Variants in GRM8 observed in about 807,000 individuals in gnomAD.
The protein encoded by GRM8 is glutamate metabotropic receptor 8.
In GRM8, 47 loss-of-function variants were observed where a neutral mutation model predicts 87.2. The observed-to-expected ratio is 0.54, with a 90% confidence interval of 0.43 to 0.69. The LOEUF is 0.69. Ranked by LOEUF, GRM8 falls within the 30% of genes least tolerant of loss-of-function variation. The pLI, the probability that GRM8 is intolerant of heterozygous loss-of-function variation, is 0.00. For synonymous variants in GRM8, 396 were observed against 404.5 expected (o/e 0.98, Z 0.25); for missense variants, 1,019 against 1,139.2 (o/e 0.89, Z 1.52).
intron 2 of GRM8, among the ~76,000 whole-genome samples, chr7:127,230,473 C>T (rs972802061): frequency 2.0e-5 from 3 of 152,164 alleles, no homozygotes; most frequent in African/African-American, 7.2e-5. Flanking sequence ...AGTTTGCACA[C>T]TCCTATCCAT....
intron 7 of GRM8, among the ~76,000 whole-genome samples, chr7:126,635,005 T>C (rs528636892): frequency 1.4e-4 from 22 of 152,170 alleles, no homozygotes; most frequent in Non-Finnish European, 2.9e-4. Context: ...ACACCATCCC[T>C]GTGCGTGTTC....
intron 2 of GRM8, among the ~76,000 whole-genome samples, chr7:127,145,113 G>T (rs1260007507): frequency 6.6e-6 from 1 of 151,988 alleles, no homozygotes; most frequent in Non-Finnish European, 1.5e-5. Context: ...TTTAATTAAG[G>T]ATAACAAATA....
At chr7:126,902,297 A>C (rs1385673322) in intron 6 of GRM8, among the ~76,000 whole-genome samples, 1 of 152,214 alleles carries the variant, frequency 6.6e-6, no homozygotes. Flanking sequence ...TGTTTCCCAG[A>C]TACCCCAGTA....
chr7:126,477,577 AAG>A (rs1250709744), intron 9 of GRM8, among the ~76,000 whole-genome samples: 11 of 77,718 alleles, frequency 1.4e-4, no homozygotes, highest in East Asian at 3.4e-4. Context: ...GAAAGAAAGA[AAG>A]AGAGAAAGAA....
At chr7:126,592,967 A>C (rs1334463452) in intron 8 of GRM8, among the ~76,000 whole-genome samples, 4 of 152,010 alleles carry the variant, frequency 2.6e-5, no homozygotes, top group Non-Finnish European at 5.9e-5. Flanking sequence ...CAACATACAA[A>C]AATCAGAGAA....
At chr7:126,439,313 C>T in intron 10 of GRM8, 145 bp from the exon 11 acceptor site, 2 of 614,032 alleles carry the variant, frequency 3.3e-6, no homozygotes, top group Non-Finnish European at 5.9e-6. Context: ...AAACCATTCA[C>T]AGTCATGCAC....
At chr7:126,828,969 C>T in intron 6 of GRM8, among the ~76,000 whole-genome samples, 1 of 152,118 alleles carries the variant, frequency 6.6e-6, no homozygotes, top group Non-Finnish European at 1.5e-5. Flanking sequence ...ACCCAGTAGT[C>T]ATTAAGGAGC....
chr7:127,243,462 G>T lies in GRM8; in HGVS notation c.-258C>A. ...TTAGAACATCTGAGGTTCTGATGTTGGGATGAGGTCAACAATTCATGTCCT... is the reference window on the plus strand; with the variant it reads ...TTAGAACATCTGAGGTTCTGATGTTTGGATGAGGTCAACAATTCATGTCCT... On this transcript the variant is annotated 5_prime_UTR_variant, in exon 2 of 11. Transcript: ENST00000339582. 6.3e-6 allele frequency: 3 copies of T among 476,064 alleles called. No homozygotes were observed. The highest frequency in any genetic ancestry group is 1.1e-5 in the Non-Finnish European group (3 of 270,446). The allele number at this position is 476,064 out of a possible 1,614,324, so 29.5% of individuals were successfully genotyped here.
At chr7:126,777,416 T>C (rs556119457) in intron 6 of GRM8, among the ~76,000 whole-genome samples, 9 of 152,276 alleles carry the variant, frequency 5.9e-5, no homozygotes, top group African/African-American at 1.7e-4. Flanking sequence ...AAATCAGGTC[T>C]ACGTGACTCA....
At chr7:126,739,646 G>C (rs1814708754) in intron 7 of GRM8, among the ~76,000 whole-genome samples, 1 of 151,898 alleles carries the variant, frequency 6.6e-6, no homozygotes. Context: ...GAGATTGGTG[G>C]TGATCCTCCC....
At chr7:126,745,960 T>C (rs1815622525) in intron 7 of GRM8, among the ~76,000 whole-genome samples, 1 of 151,828 alleles carries the variant, frequency 6.6e-6, no homozygotes, top group African/African-American at 2.4e-5. Flanking sequence ...AACAAATTTA[T>C]ATCTTCTGAA....
chr7:127,035,971 A>G (rs967357743), intron 3 of GRM8, among the ~76,000 whole-genome samples: 4 of 152,092 alleles, frequency 2.6e-5, no homozygotes, highest in Non-Finnish European at 5.9e-5. Flanking sequence ...TGCCCCCAAC[A>G]TTTGGGCTTT....
At chr7:126,928,394 A>G (rs1805369707) in intron 3 of GRM8, among the ~76,000 whole-genome samples, 1 of 152,166 alleles carries the variant, frequency 6.6e-6, no homozygotes, top group Admixed American at 6.6e-5. Context: ...CAAGGTGCCC[A>G]GGCATGGTAA....
At chr7:126,771,955 C>T (rs1465400612) in intron 6 of GRM8, among the ~76,000 whole-genome samples, 2 of 152,120 alleles carry the variant, frequency 1.3e-5, no homozygotes, top group African/African-American at 4.8e-5. Context: ...CTAGGTTATA[C>T]TTTTGTCTCC....
At chr7:126,440,397 C>G (rs1353028216) in intron 10 of GRM8, among the ~76,000 whole-genome samples, 3 of 97,896 alleles carry the variant, frequency 3.1e-5, no homozygotes, top group African/African-American at 4.2e-5. Flanking sequence ...GGCAACAGAG[C>G]AAGACTCCAT....
chr7:126,898,245 T>G (rs1801733121), intron 6 of GRM8, among the ~76,000 whole-genome samples: 1 of 152,196 alleles, frequency 6.6e-6, no homozygotes, highest in East Asian at 1.9e-4. Context: ...TGGACACCTC[T>G]ACTCGTGAAT....
At chr7:126,843,965 G>T (rs1446890387) in intron 6 of GRM8, among the ~76,000 whole-genome samples, 2 of 152,296 alleles carry the variant, frequency 1.3e-5, no homozygotes, top group African/African-American at 2.4e-5. Flanking sequence ...GCACAGGGAT[G>T]TTATTACATT....
At chr7:126,870,954 C>A (rs555895640) in intron 6 of GRM8, among the ~76,000 whole-genome samples, 1 of 152,250 alleles carries the variant, frequency 6.6e-6, no homozygotes, top group South Asian at 2.1e-4. Context: ...TCAAGTTTCC[C>A]CCCATTTTTT....
intron 2 of GRM8, among the ~76,000 whole-genome samples, chr7:127,237,016 C>A (rs573958782): frequency 6.6e-6 from 1 of 152,272 alleles, no homozygotes; most frequent in South Asian, 2.1e-4. Flanking sequence ...AAGAGACAAT[C>A]TAGTCAAGGA....
Sources: gnomAD v4.1 joint callset for allele counts (sites outside exome capture counted in the v4.1 genomes callset) on GRCh38, gnomAD v4.1.1 for gene constraint, MANE v1.5 for transcripts, NCBI Gene and HGNC (gene_info 2026-07-23, HGNC 2026-07-21) for gene names.